Variants in UBR4 observed in about 807,000 individuals in gnomAD.
UBR4 encodes E3 ubiquitin-protein ligase UBR4.
A neutral mutation model predicts 575.6 loss-of-function variants in UBR4; 124 were observed. The observed-to-expected ratio is 0.22, with a 90% CI of 0.19 to 0.25. The LOEUF (loss-of-function observed/expected upper bound fraction) is 0.25. UBR4 is among the 10% of genes least tolerant of loss of function. The pLI is 1.00. For missense variants in UBR4, 4,818 were observed against 6,478.8 expected (o/e 0.74, Z 8.80); for synonymous variants, 2,455 against 2,473.7 (o/e 0.99, Z 0.22).
At chr1:19,169,637 C>T (rs2089184108) in intron 26 of UBR4, 105 bp from the exon 27 acceptor site, 4 of 831,628 alleles carry the variant, frequency 4.8e-6, no homozygotes, top group Non-Finnish European at 7.4e-6. Context: ...ACAGCCCAGG[C>T]TGTCAAAATA....
intron 21 of UBR4, among the ~76,000 whole-genome samples, 162 bp from the exon 22 acceptor site, chr1:19,174,609 CTG>C (rs1215082319): frequency 1.4e-4 from 22 of 152,328 alleles, no homozygotes; most frequent in Admixed American, 1.2e-3. Context: ...ATTACTCACA[CTG>C]TTTGCAAGCT....
chr1:19,187,822 G>A (rs916871043), intron 11 of UBR4, among the ~76,000 whole-genome samples: 1 of 151,998 alleles, frequency 6.6e-6, no homozygotes, highest in Non-Finnish European at 1.5e-5. Flanking sequence ...CAACACTTTT[G>A]AGAGGCCGAG....
intron 28 of UBR4, 36 bp downstream of exon 28, chr1:19,167,991 A>G (rs777645757): frequency 5.7e-6 from 9 of 1,572,262 alleles, no homozygotes; most frequent in Non-Finnish European, 7.8e-6. Flanking sequence ...TAGAATACAG[A>G]CATAGAGTCC....
chr1:19,111,322 A>G (rs2079846484), intron 78 of UBR4, among the ~76,000 whole-genome samples: 1 of 152,206 alleles, frequency 6.6e-6, no homozygotes, highest in Non-Finnish European at 1.5e-5. Context: ...AATAAGCCCC[A>G]AAGTCCTTAC....
intron 62 of UBR4, 97 bp downstream of exon 62, chr1:19,128,114 T>TTGAAACGAGGTGAAGTTCCTCTA: frequency 8.3e-7 from 1 of 1,205,102 alleles, no homozygotes; most frequent in Non-Finnish European, 1.2e-6. Context: ...TGGTTACCCC[T>TTGAAACGAGGTGAAGTTCCTCTA]TGAAACGAGG....
Position 19,184,154 on chromosome 1 carries a change from T to C in UBR4, c.1960A>G (p.Ile654Val), listed in dbSNP as rs574427308. Residue 654 changes from isoleucine (I) to valine (V), a missense_variant, in exon 16 of 106, where the codon ATT (isoleucine) becomes GTT (valine). Physicochemically the swap from Ile to Val is conservative, Grantham distance 29. Transcript: ENST00000375254. ...PELFLGLASNILNFITSSMLN... is the reference protein window; with the variant it reads ...PELFLGLASNVLNFITSSMLN... Reference sequence around the variant, plus strand: ...ATGGAAGAGGTGATGAAGTTCAAAATGTTGGAAGCCAGACCTAAGAACTGA... The same window carrying C: ...ATGGAAGAGGTGATGAAGTTCAAAACGTTGGAAGCCAGACCTAAGAACTGA... The C allele has an allele frequency of 1.9e-6, 3 of 1,614,148 alleles. No individual in the cohort carries two copies. The highest frequency in any genetic ancestry group is 2.5e-6 in the Non-Finnish European group (3 of 1,179,998).
At chr1:19,165,053 A>G in intron 31 of UBR4, 56 bp from the exon 32 acceptor site, 1 of 1,597,518 alleles carries the variant, frequency 6.3e-7, no homozygotes, top group Non-Finnish European at 8.6e-7. Context: ...GAAGAGAAAG[A>G]AGGGGCAAAC....
Position 19,101,644 on chromosome 1 carries a change from G to A in UBR4, c.12902-3C>T. On this transcript the variant is annotated splice_region_variant and splice_polypyrimidine_tract_variant and intron_variant, in intron 87 of 105. Coordinates refer to ENST00000375254, the MANE Select transcript of UBR4 (RefSeq NM_020765.3). ...GGCCTTGGTTTCTGATTCTGTACCTGCCAGAAATCAAAGCGGCCAAGTTAG... is the reference window on the plus strand; with the variant it reads ...GGCCTTGGTTTCTGATTCTGTACCTACCAGAAATCAAAGCGGCCAAGTTAG... 6.3e-7 allele frequency: 1 copy of A among 1,599,440 alleles called. No individual in the cohort carries two copies. The highest frequency in any genetic ancestry group is 8.6e-7 in the Non-Finnish European group (1 of 1,167,686).
intron 87 of UBR4, among the ~76,000 whole-genome samples, chr1:19,102,178 C>T (rs1191485494): frequency 2.0e-5 from 3 of 152,182 alleles, no homozygotes; most frequent in Non-Finnish European, 4.4e-5. Flanking sequence ...CCAGGCTAGG[C>T]AATGTGGCGA....
Position 19,176,805 on chromosome 1 carries a change from C to G in UBR4, c.2638-78G>C. ...TTTTCACTCAGGCATGATAATAGCT[C>G]GGTACACTGAATCTTGGTAATCTGA... is the stretch of plus-strand genomic sequence containing the variant. On this transcript the variant is annotated intron_variant, in intron 19 of 105. Coordinates refer to ENST00000375254, the MANE Select transcript of UBR4 (RefSeq NM_020765.3). 4 of 1,482,992 alleles carry G rather than the reference C, an allele frequency of 2.7e-6. No homozygotes were observed. In the South Asian group the frequency reaches 5.0e-5, roughly 18 times the overall value. The allele number at this position is 1,482,992 out of a possible 1,614,324, so 91.9% of individuals were successfully genotyped here. A position where few individuals can be genotyped will look rare whatever the true frequency, so the allele number is the denominator to read the frequency against.
chr1:19,119,511 G>A (rs572324760), intron 70 of UBR4, 46 bp downstream of exon 70: 12 of 1,591,596 alleles, frequency 7.5e-6, no homozygotes, highest in South Asian at 2.2e-5. Flanking sequence ...GAGAAAAAAG[G>A]TTAAATATGG....
intron 65 of UBR4, 150 bp downstream of exon 65, chr1:19,124,391 G>A: frequency 9.9e-7 from 1 of 1,009,414 alleles, no homozygotes; most frequent in Non-Finnish European, 1.4e-6. Context: ...CACACAGTAT[G>A]TTCCAGAAGG....
chr1:19,163,718 A>C (rs952875137), intron 34 of UBR4, 46 bp downstream of exon 34: 34 of 1,573,932 alleles, frequency 2.2e-5, no homozygotes, highest in Non-Finnish European at 3.0e-5. Context: ...AGAGGTGAGA[A>C]TCACCTTTCC....
At chr1:19,137,298 GAA>G (rs11348910) in intron 60 of UBR4, among the ~76,000 whole-genome samples, 5 of 123,484 alleles carry the variant, frequency 4.0e-5, no homozygotes, top group African/African-American at 8.9e-5. Flanking sequence ...AGACAGTCTC[GAA>G]AAAAAAAAAA....
intron 48 of UBR4, 63 bp from the exon 49 acceptor site, chr1:19,150,856 A>C (rs2085582439): frequency 6.5e-7 from 1 of 1,539,564 alleles, no homozygotes; most frequent in Non-Finnish European, 8.9e-7. Flanking sequence ...CTCCAAAGCA[A>C]AGACCAGAAC....
Position 19,162,628 on chromosome 1 carries a change from A to G in UBR4, c.4765-17T>C. 1 of 1,596,868 alleles carries G rather than the reference A, an allele frequency of 6.3e-7. No homozygotes were observed. The highest frequency in any genetic ancestry group is 8.5e-7 in the Non-Finnish European group (1 of 1,171,016). On this transcript the variant is annotated splice_polypyrimidine_tract_variant and intron_variant, in intron 34 of 105. Coordinates refer to ENST00000375254, the MANE Select transcript of UBR4 (RefSeq NM_020765.3). ...CATCACATGCTGTAAGAGAAGCCCCACAGCAACTTCAGATTCTCCATGTTT... is the reference window on the plus strand; with the variant it reads ...CATCACATGCTGTAAGAGAAGCCCCGCAGCAACTTCAGATTCTCCATGTTT...
At chr1:19,143,572 G>A (rs1418580773) in intron 55 of UBR4, among the ~76,000 whole-genome samples, 1 of 152,166 alleles carries the variant, frequency 6.6e-6, no homozygotes, top group Non-Finnish European at 1.5e-5. Context: ...GCAACAAAAT[G>A]GACATTTAAT....
intron 49 of UBR4, 104 bp from the exon 50 acceptor site, chr1:19,148,730 A>C: frequency 1.6e-6 from 2 of 1,223,722 alleles, no homozygotes; most frequent in Non-Finnish European, 2.4e-6. Flanking sequence ...CAGCTAATGA[A>C]TGCCAAATAC....
rs1367036634 is a variant in UBR4, at chr1:19,122,953, G to A, written c.9696C>T (p.Thr3232=). Residue 3232 remains threonine, a synonymous_variant, in exon 66 of 106, where the codon ACC becomes ACT. Transcript: ENST00000375254. Reference sequence around the variant, plus strand: ...TGATCCCACGCACGTGAGAGTCCAGGGTGTGCAAATCCCGGAGCTGGCGGT... The same window carrying A: ...TGATCCCACGCACGTGAGAGTCCAGAGTGTGCAAATCCCGGAGCTGGCGGT... The part of the protein sequence containing the change: ...EKYRQLRDLH[T]LDSHVRGIKK... The A allele has an allele frequency of 6.2e-7, 1 of 1,614,166 alleles. No individual in the cohort carries two copies. Among genetic ancestry groups the A allele is most frequent in the Non-Finnish European group, 8.5e-7 (1 of 1,180,038 alleles).
Sources: allele counts gnomAD v4.1 joint callset (sites outside exome capture counted in the v4.1 genomes callset), GRCh38; gene constraint gnomAD v4.1.1; transcripts MANE v1.5; gene names NCBI Gene and HGNC (gene_info 2026-07-23, HGNC 2026-07-21).